The following SUMF1 variants were observed in gnomAD, a reference collection of about 807,000 sequenced individuals.
The protein encoded by SUMF1 is formylglycine-generating enzyme.
In SUMF1, 48 loss-of-function variants were observed where a neutral mutation model predicts 47.6. That is an observed-to-expected ratio of 1.01 (90% CI 0.80 to 1.28). The LOEUF is 1.28. SUMF1 is among the 50% of genes most tolerant of loss of function. SUMF1 has a pLI of 0.00. For missense variants in SUMF1, 571 were observed against 485.4 expected, an observed-to-expected ratio of 1.18 and a Z score of -1.66; for synonymous variants, 230 against 192.1, an observed-to-expected ratio of 1.20 and a Z score of -1.63.
intron 6 of SUMF1, among the ~76,000 whole-genome samples, chr3:4,412,490 G>C (rs1016981147): frequency 6.6e-6 from 1 of 152,176 alleles, no homozygotes; most frequent in African/African-American, 2.4e-5. Context: ...TGATCAAAAA[G>C]AGCATGGTAG....
At chr3:4,424,814 CTT>C (rs1195820923) in intron 3 of SUMF1, among the ~76,000 whole-genome samples, 1 of 152,158 alleles carries the variant, frequency 6.6e-6, no homozygotes, top group East Asian at 1.9e-4. Context: ...TATACATAAA[CTT>C]AACATAAGCG....
intron 9 of SUMF1, among the ~76,000 whole-genome samples, chr3:4,054,241 A>C (rs1482616914): frequency 2.6e-5 from 4 of 152,186 alleles, no homozygotes; most frequent in Non-Finnish European, 5.9e-5. Flanking sequence ...TTCAACACAA[A>C]GCTCTAGTAT....
intron 7 of SUMF1, among the ~76,000 whole-genome samples, chr3:4,406,683 A>G (rs113578752): frequency 0.019 from 2,889 of 152,166 alleles, 87 homozygotes; most frequent in African/African-American, 0.065. Flanking sequence ...TAAAACAAAA[A>G]CAAAAGGAGA....
chr3:4,444,584 G>A (rs1444219636), intron 3 of SUMF1, among the ~76,000 whole-genome samples: 5 of 152,138 alleles, frequency 3.3e-5, no homozygotes, highest in African/African-American at 1.2e-4. Context: ...GTATTATTGA[G>A]ACCACTGTGT....
chr3:4,464,766 C>T (rs555245238), intron 1 of SUMF1, among the ~76,000 whole-genome samples: 4 of 152,190 alleles, frequency 2.6e-5, no homozygotes, highest in African/African-American at 7.2e-5. Flanking sequence ...CCTCCTATGA[C>T]GTCATTGTCT....
intron 8 of SUMF1, among the ~76,000 whole-genome samples, chr3:4,132,348 GC>G (rs1338737758): frequency 2.0e-5 from 3 of 152,070 alleles, no homozygotes; most frequent in African/African-American, 7.3e-5. Context: ...TCATTCTGAA[GC>G]AGCTAGATTG....
At chr3:4,417,052 T>A in intron 6 of SUMF1, 76 bp downstream of exon 6, 1 of 1,347,832 alleles carries the variant, frequency 7.4e-7, no homozygotes, top group Non-Finnish European at 1.1e-6. Context: ...AAGTGAGCAA[T>A]GCCTTTCACC....
chr3:4,303,326 C>A, intron 8 of SUMF1: 2 of 1,473,492 alleles, frequency 1.4e-6, no homozygotes, highest in Non-Finnish European at 1.8e-6. Flanking sequence ...ATCCACCGCG[C>A]GGCCCAGGAC....
At chr3:4,420,383 G>A (rs556717661) in intron 3 of SUMF1, among the ~76,000 whole-genome samples, 1 of 146,088 alleles carries the variant, frequency 6.8e-6, no homozygotes, top group Non-Finnish European at 1.5e-5. Flanking sequence ...TTTAAATGGT[G>A]TATATCTATA....
chr3:4,211,203 C>CAT (rs57172340), intron 8 of SUMF1, among the ~76,000 whole-genome samples: 14,195 of 98,100 alleles, frequency 0.14, 1,488 homozygotes, highest in Middle Eastern at 0.23. Flanking sequence ...TACATACATA[C>CAT]ATATATATAT....
chr3:4,381,654 A>C (rs139285022), intron 7 of SUMF1, among the ~76,000 whole-genome samples: 1 of 152,358 alleles, frequency 6.6e-6, no homozygotes, highest in African/African-American at 2.4e-5. Flanking sequence ...TTCCTCACAC[A>C]AACTATGCCT....
chr3:4,152,927 A>G (rs2125106992), intron 8 of SUMF1, among the ~76,000 whole-genome samples: 1 of 151,684 alleles, frequency 6.6e-6, no homozygotes, highest in East Asian at 1.9e-4. Context: ...TCCCTGGCAG[A>G]GATATTTGGT....
At chr3:4,393,714 G>T (rs997288095) in intron 7 of SUMF1, among the ~76,000 whole-genome samples, 2 of 151,862 alleles carry the variant, frequency 1.3e-5, no homozygotes, top group Non-Finnish European at 2.9e-5. Context: ...TCAGTTCCAA[G>T]CAAGAACGCC....
rs1009664516 is a variant in SUMF1 at position 4,467,040 on chromosome 3, C to G, written c.206G>C (p.Arg69Pro). Residue 69 changes from arginine to proline, a missense_variant, in exon 1 of 9, where the codon CGA (arginine) becomes CCA (proline). Transcript: ENST00000272902. ...CGGAGCGTTAGCCTCCCGCGAGTAT[C>G]GGTGAGCGGCTGCCGAACTGCCATG... ...GAHGSSAAAH[R>P]YSREANAPGP... 2.9e-5 allele frequency: 46 copies of G among 1,574,686 alleles called. No individual in the cohort carries two copies. The highest frequency in any genetic ancestry group is 3.5e-5 in the Non-Finnish European group (41 of 1,161,566).
chr3:4,402,448 C>T (rs1701242596), intron 7 of SUMF1, among the ~76,000 whole-genome samples: 1 of 152,124 alleles, frequency 6.6e-6, no homozygotes, highest in Non-Finnish European at 1.5e-5. Flanking sequence ...TCAATCTTTC[C>T]TCAACAAACT....
At chr3:4,309,591 A>G (rs1357737019) in intron 8 of SUMF1, among the ~76,000 whole-genome samples, 2 of 152,150 alleles carry the variant, frequency 1.3e-5, no homozygotes, top group Non-Finnish European at 2.9e-5. Context: ...CAGTAATTCT[A>G]AAAGTATTGT....
At chr3:4,419,980 T>A (rs1019924741) in intron 4 of SUMF1, 84 bp downstream of exon 4, 2 of 1,029,250 alleles carry the variant, frequency 1.9e-6, no homozygotes, top group Non-Finnish European at 3.1e-6. Context: ...TAGATGAAGA[T>A]GCCCACTGAG....
chr3:4,313,903 T>A (rs1698530668), intron 8 of SUMF1: 1 of 1,408,256 alleles, frequency 7.1e-7, no homozygotes. Context: ...TCCTTTCCCC[T>A]TTCTGTAATA....
Position 4,206,738 on chromosome 3 carries a change from T to G in SUMF1, c.1015-137993A>C, listed in dbSNP as rs1158781156. 3.9e-5 allele frequency among the ~76,000 whole-genome samples: 6 copies of G among 152,284 alleles called. No homozygotes were observed. The East Asian group carries it at 9.7e-4, about 25-fold the overall frequency. ...TCAACAGTTGTTCAAGTTTGGTGAC[T>G]GAACAACTATTGTGGGGGAATAATT... On this transcript the variant is annotated intron_variant and NMD_transcript_variant, in intron 8 of 12. Transcript: ENST00000448413.
Sources: allele counts gnomAD v4.1 joint callset (sites outside exome capture counted in the v4.1 genomes callset), GRCh38; gene constraint gnomAD v4.1.1; transcripts MANE v1.5; gene names NCBI Gene and HGNC (gene_info 2026-07-23, HGNC 2026-07-21).